SKAP2: variants seen among roughly 807,000 people sequenced by gnomAD.
SKAP2 encodes src kinase associated phosphoprotein 2.
In SKAP2, 28 loss-of-function variants were observed where a neutral mutation model predicts 54.9. That is an observed-to-expected ratio of 0.51 (90% CI 0.38 to 0.70). SKAP2 has a LOEUF of 0.70. Among genes scored for constraint, SKAP2 ranks in the 30% least tolerant of loss-of-function variants. The pLI, the probability that SKAP2 is intolerant of heterozygous loss-of-function variation, is 0.00. For synonymous variants in SKAP2, 137 were observed against 134.3 expected, an observed-to-expected ratio of 1.02 and a Z score of -0.14; for missense variants, 356 against 424.1, an observed-to-expected ratio of 0.84 and a Z score of 1.41.
At chr7:26,859,218 C>T (rs922513480) in intron 1 of SKAP2, among the ~76,000 whole-genome samples, 42 of 151,390 alleles carry the variant, frequency 2.8e-4, no homozygotes, top group African/African-American at 1.0e-3. Flanking sequence ...TGTGCTGTCA[C>T]CAAACTTAAT....
intron 9 of SKAP2, among the ~76,000 whole-genome samples, chr7:26,693,397 A>G (rs1296296973): frequency 6.6e-6 from 1 of 151,594 alleles, no homozygotes; most frequent in African/African-American, 2.4e-5. Context: ...CAGCATGAAC[A>G]TATAAAAATT....
intron 4 of SKAP2, among the ~76,000 whole-genome samples, chr7:26,823,998 G>C (rs1210764976): frequency 6.6e-6 from 1 of 152,108 alleles, no homozygotes; most frequent in Non-Finnish European, 1.5e-5. Flanking sequence ...GCAGTGGCAG[G>C]GTTTGAGAGG....
At chr7:26,738,336 A>G (rs1787984978) in intron 6 of SKAP2, among the ~76,000 whole-genome samples, 1 of 152,212 alleles carries the variant, frequency 6.6e-6, no homozygotes, top group Non-Finnish European at 1.5e-5. Flanking sequence ...AGTAAATTCT[A>G]TGTACACGTT....
intron 4 of SKAP2, among the ~76,000 whole-genome samples, chr7:26,800,007 C>T (rs1341119167): frequency 1.4e-5 from 2 of 143,222 alleles, no homozygotes; most frequent in African/African-American, 5.1e-5. Context: ...GTCTGTAGTC[C>T]CAGCTACTTA....
intron 3 of SKAP2, among the ~76,000 whole-genome samples, chr7:26,853,303 C>T (rs1388529360): frequency 1.4e-4 from 21 of 152,122 alleles, no homozygotes; most frequent in Admixed American, 1.2e-3. Flanking sequence ...AAACCCAGAA[C>T]CTAGCTCCAT....
intron 4 of SKAP2, among the ~76,000 whole-genome samples, chr7:26,781,227 C>A (rs1294933960): frequency 6.6e-6 from 1 of 152,078 alleles, no homozygotes; most frequent in Non-Finnish European, 1.5e-5. Context: ...TAAAACAGTG[C>A]ATATTGCATG....
At position 26,702,788 on chromosome 7, in the gene SKAP2, C is replaced by T. The variant is rs553718404; in HGVS notation, c.797-12426G>A. 3.4e-4 allele frequency among the ~76,000 whole-genome samples: 52 copies of T among 152,320 alleles called. No individual in the cohort carries two copies. The South Asian group carries it at 3.9e-3, about 12-fold the overall frequency. On this transcript the variant is annotated intron_variant, in intron 9 of 12. Coordinates refer to ENST00000345317, the MANE Select transcript of SKAP2 (RefSeq NM_003930.5). The stretch of plus-strand genomic sequence containing the variant: ...TATTTAATATTTATAGGGCAATTAT[C>T]AAATAATAGCCTCACTTGTATTTTT...
chr7:26,727,085 C>T, intron 6 of SKAP2, 79 bp from the exon 7 acceptor site: 1 of 1,198,926 alleles, frequency 8.3e-7, no homozygotes, highest in Non-Finnish European at 1.1e-6. Flanking sequence ...ATTTCTTCAT[C>T]AATTCTTGGA....
intron 11 of SKAP2, among the ~76,000 whole-genome samples, chr7:26,678,104 C>A (rs978509141): frequency 6.6e-6 from 1 of 152,186 alleles, no homozygotes; most frequent in African/African-American, 2.4e-5. Context: ...AACCTTACTG[C>A]ACATCAGTTT....
At chr7:26,861,662 T>C (rs564295813) in intron 1 of SKAP2, among the ~76,000 whole-genome samples, 1 of 146,760 alleles carries the variant, frequency 6.8e-6, no homozygotes, top group East Asian at 2.0e-4. Flanking sequence ...ATGGTTTTTA[T>C]AGGGGAAGGA....
chr7:26,704,329 T>C (rs999852659), intron 9 of SKAP2, among the ~76,000 whole-genome samples: 2 of 152,142 alleles, frequency 1.3e-5, no homozygotes, highest in African/African-American at 4.8e-5. Flanking sequence ...AAAACAGAGT[T>C]AGGCTAAGCC....
At chr7:26,850,567 C>G (rs1785018615) in intron 3 of SKAP2, among the ~76,000 whole-genome samples, 1 of 144,218 alleles carries the variant, frequency 6.9e-6, no homozygotes. Context: ...GCCTGGATGA[C>G]AGAGTGAGAT....
intron 4 of SKAP2, among the ~76,000 whole-genome samples, chr7:26,746,936 C>A (rs1402988656): frequency 1.3e-5 from 2 of 152,054 alleles, no homozygotes; most frequent in African/African-American, 4.8e-5. Flanking sequence ...TCAGCTAGAA[C>A]CTTGGCCTGG....
At chr7:26,679,642 C>T (rs1160027735) in intron 11 of SKAP2, among the ~76,000 whole-genome samples, 1 of 152,192 alleles carries the variant, frequency 6.6e-6, no homozygotes, top group Non-Finnish European at 1.5e-5. Flanking sequence ...CAGCAGTTGG[C>T]CACGCTATTT....
chr7:26,685,346 T>A (rs76639620), intron 10 of SKAP2, among the ~76,000 whole-genome samples: 3,954 of 148,302 alleles, frequency 0.027, 166 homozygotes, highest in African/African-American at 0.092. Flanking sequence ...GAACCAAAAT[T>A]AAAAAAAAAA....
chr7:26,662,566 TTG>T (rs1786029962), downstream of SKAP2, among the ~76,000 whole-genome samples: 1 of 152,150 alleles, frequency 6.6e-6, no homozygotes, highest in South Asian at 2.1e-4. Context: ...AATTCTATGT[TTG>T]AAATACCCCT....
chr7:26,712,044 G>T (rs1293069521), intron 9 of SKAP2, among the ~76,000 whole-genome samples: 2 of 152,098 alleles, frequency 1.3e-5, no homozygotes, highest in Non-Finnish European at 2.9e-5. Flanking sequence ...TTTTAAACTT[G>T]AGTAACAATT....
At position 26,811,119 on chromosome 7, in the gene SKAP2, C is replaced by T. The variant is rs1294402979; in HGVS notation, c.307+32911G>A. ...TTGTTAGCATCCAAAGCTCATGTCC[C>T]TAAACACAACAAGCCTGAAGAGCAG... On this transcript the variant is annotated intron_variant, in intron 4 of 12. Transcript: ENST00000345317. 5.9e-5 allele frequency among the ~76,000 whole-genome samples: 9 copies of T among 152,132 alleles called. No homozygotes were observed. In the South Asian group the frequency reaches 1.9e-3, roughly 32 times the overall value.
chr7:26,811,779 T>C (rs1397734874), intron 4 of SKAP2, among the ~76,000 whole-genome samples: 2 of 152,196 alleles, frequency 1.3e-5, no homozygotes, highest in East Asian at 3.8e-4. Flanking sequence ...CATCTAATGA[T>C]ACAGACTAAT....
Sources: allele counts gnomAD v4.1 joint callset (sites outside exome capture counted in the v4.1 genomes callset), GRCh38; gene constraint gnomAD v4.1.1; transcripts MANE v1.5; gene names NCBI Gene and HGNC (gene_info 2026-07-23, HGNC 2026-07-21).